Variants in HPGD observed in about 807,000 individuals in gnomAD.
HPGD encodes the protein 15-hydroxyprostaglandin dehydrogenase [NAD(+)].
A neutral mutation model predicts 30.0 loss-of-function variants in HPGD; 29 were observed. The observed-to-expected ratio is 0.97, with a 90% CI of 0.72 to 1.32. The LOEUF is 1.32. Among genes scored for constraint, HPGD ranks in the 40% most tolerant of loss-of-function variants. HPGD has a pLI of 0.00. For missense variants in HPGD, 340 were observed against 322.1 expected (o/e 1.06, Z -0.43); for synonymous variants, 99 against 112.4 (o/e 0.88, Z 0.75).
intron 4 of HPGD, among the ~76,000 whole-genome samples, chr4:174,504,705 G>C (rs2110816935): frequency 6.6e-6 from 1 of 151,554 alleles, no homozygotes; most frequent in South Asian, 2.1e-4. Flanking sequence ...CCCAGCTACT[G>C]GGGAGGCTGA....
At position 174,497,895 on chromosome 4, in the gene HPGD, T is replaced by TTC. The variant is rs376652837; in HGVS notation, c.422-2273_422-2272dup. ...CCGGCCTCACTTTCTCTCTCTCTCT[T>TTC]TCTCTCTCTCTCTCTCTTCCCCCCG... On this transcript the variant is annotated intron_variant, in intron 4 of 6. Transcript: ENST00000296522. Among the ~76,000 whole-genome samples the TTC allele has an allele frequency of 5.6e-4, 81 of 144,988 alleles. 2 individuals are homozygous for TTC. The highest frequency in any genetic ancestry group is 6.5e-4 in the South Asian group (3 of 4,582).
intron 4 of HPGD, among the ~76,000 whole-genome samples, chr4:174,502,595 G>A (rs907219724): frequency 1.4e-5 from 2 of 143,660 alleles, no homozygotes; most frequent in Non-Finnish European, 3.0e-5. Flanking sequence ...GGAGAATGGC[G>A]TGAACCCGAA....
intron 4 of HPGD, among the ~76,000 whole-genome samples, chr4:174,502,604 A>G (rs2555649): frequency 0.16 from 24,024 of 150,636 alleles, 2,639 homozygotes; most frequent in East Asian, 0.51. Flanking sequence ...CGTGAACCCG[A>G]AAGGCGGAGC....
intron 3 of HPGD, among the ~76,000 whole-genome samples, chr4:174,513,852 T>A (rs2612661): frequency 0.054 from 8,184 of 151,928 alleles, 713 homozygotes; most frequent in African/African-American, 0.18. Context: ...TTAAAAAAAA[T>A]TTAAAAATCA....
intron 3 of HPGD, 75 bp downstream of exon 3, chr4:174,517,896 C>A: frequency 2.5e-6 from 2 of 812,956 alleles, no homozygotes; most frequent in South Asian, 1.5e-5. Context: ...TCCATGACTC[C>A]AAGAACCTTT....
chr4:174,505,004 T>C (rs45462895), intron 4 of HPGD, among the ~76,000 whole-genome samples: 10,674 of 152,304 alleles, frequency 0.07, 515 homozygotes, highest in Non-Finnish European at 0.11. Context: ...TTGTATATTA[T>C]GTTTATAAAT....
intron 4 of HPGD, chr4:174,506,621 C>T (rs1183383139): frequency 6.6e-6 from 1 of 152,140 alleles, no homozygotes; most frequent in African/African-American, 2.4e-5. Context: ...TAGAGTTTAC[C>T]TCACAGGGTT....
intron 4 of HPGD, among the ~76,000 whole-genome samples, chr4:174,500,061 G>T (rs894733471): frequency 6.6e-6 from 1 of 152,088 alleles, no homozygotes; most frequent in East Asian, 1.9e-4. Context: ...GTTACTTCTT[G>T]TAATATTTCC....
rs1250706105 is a variant in HPGD, at chr4:174,492,544, G to C, written c.663-450C>G. 9.9e-5 allele frequency among the ~76,000 whole-genome samples: 15 copies of C among 151,948 alleles called. No homozygotes were observed. Among genetic ancestry groups the C allele is most frequent in the Admixed American group, 8.5e-4 (13 of 15,250 alleles). ...AGTTACCATTTTAAGTACCTTGTAT[G>C]TATCATTTTATTTAAGTTTTTCAAA... On this transcript the variant is annotated intron_variant, in intron 6 of 6. Transcript: ENST00000296522. The surrounding 1 kb of genome is among the most constrained non-coding windows in gnomAD (Gnocchi z 4.9).
At chr4:174,521,225 CAAA>C (rs35013459) in intron 2 of HPGD, among the ~76,000 whole-genome samples, 1 of 76,826 alleles carries the variant, frequency 1.3e-5, no homozygotes. Context: ...AATAGATGTA[CAAA>C]AAAAAAAAAA....
intron 3 of HPGD, among the ~76,000 whole-genome samples, chr4:174,509,443 G>A (rs1735364201): frequency 1.3e-5 from 2 of 152,162 alleles, no homozygotes; most frequent in East Asian, 3.8e-4. Context: ...AGAGCCAGCA[G>A]GTGACCCAGT....
intron 3 of HPGD, among the ~76,000 whole-genome samples, chr4:174,515,514 A>G (rs1013215956): frequency 1.3e-5 from 2 of 152,148 alleles, no homozygotes; most frequent in African/African-American, 4.8e-5. Flanking sequence ...ACCTAAAACT[A>G]TACAAATTCT....
upstream of HPGD, chr4:174,522,640 C>A: frequency 2.1e-6 from 1 of 482,084 alleles, no homozygotes; most frequent in Non-Finnish European, 3.6e-6. Context: ...CCTGAGCGTT[C>A]TGGAGCGCCA....
intron 3 of HPGD, among the ~76,000 whole-genome samples, chr4:174,516,893 T>C (rs1213646247): frequency 1.3e-5 from 2 of 152,180 alleles, no homozygotes; most frequent in African/African-American, 2.4e-5. Flanking sequence ...CTTCAAGATA[T>C]TATGTTGATT....
intron 4 of HPGD, among the ~76,000 whole-genome samples, chr4:174,499,190 C>T (rs1348238766): frequency 1.3e-5 from 2 of 152,094 alleles, no homozygotes; most frequent in African/African-American, 4.8e-5. Context: ...TCTGGAGACA[C>T]AATTTACAAG....
At chr4:174,508,442 T>TA (rs201093197) in intron 4 of HPGD, among the ~76,000 whole-genome samples, 167 of 151,430 alleles carry the variant, frequency 1.1e-3, no homozygotes, top group Middle Eastern at 3.4e-3. Context: ...ATATTGGCTC[T>TA]AAAAAAAAAT....
rs1190353383 is a variant in HPGD at position 174,492,043 on chromosome 4, T to G, written c.714A>C (p.Leu238Phe). ...GLITLIEDDA[L>F]NGAIMKITTS... is the part of the protein sequence containing the mutation. ...TTGTGATCTTCATAATAGCACCATT[T>G]AAAGCATCATCTTCAATGAGTGTTA... Residue 238 changes from leucine to phenylalanine, a missense_variant, in exon 7 of 7, where the codon TTA (leucine) becomes TTC (phenylalanine). Transcript: ENST00000296522. This position sits in a 1 kb window ranked among gnomAD's most constrained non-coding sequence, Gnocchi z 4.9. 2.5e-6 allele frequency: 4 copies of G among 1,608,768 alleles called. No individual in the cohort carries two copies. The Admixed American group carries it at 5.0e-5, about 20-fold the overall frequency.
intron 4 of HPGD, among the ~76,000 whole-genome samples, chr4:174,503,894 T>A (rs1202145214): frequency 2.0e-5 from 3 of 152,078 alleles, no homozygotes; most frequent in Non-Finnish European, 2.9e-5. Flanking sequence ...AGCTAATTTT[T>A]AAAAATTTTT....
chr4:174,515,405 A>G (rs1318797321), intron 3 of HPGD, among the ~76,000 whole-genome samples: 1 of 152,200 alleles, frequency 6.6e-6, no homozygotes, highest in East Asian at 1.9e-4. Context: ...AAAAACGAGC[A>G]TGGGGAAAGG....
Sources: gnomAD v4.1 joint callset for allele counts (sites outside exome capture counted in the v4.1 genomes callset) on GRCh38, gnomAD v4.1.1 for gene constraint, Gnocchi (gnomAD v3.1) non-coding constraint, MANE v1.5 for transcripts, NCBI Gene and HGNC (gene_info 2026-07-23, HGNC 2026-07-21) for gene names.